The following PTPRM variants were observed in gnomAD, a reference collection of about 807,000 sequenced individuals.
PTPRM encodes the protein protein tyrosine phosphatase receptor type M.
PTPRM carries 47 observed loss-of-function variants against 186.7 expected under a neutral mutation model. That is an observed-to-expected ratio of 0.25 (90% CI 0.20 to 0.32). PTPRM has a LOEUF of 0.32. Among genes scored for constraint, PTPRM ranks in the 10% least tolerant of loss-of-function variants. The pLI, the probability that PTPRM is intolerant of heterozygous loss-of-function variation, is 1.00. For synonymous variants in PTPRM, 668 were observed against 674.9 expected (o/e 0.99, Z 0.16); for missense variants, 1,494 against 1,865.0 (o/e 0.80, Z 3.66).
intron 14 of PTPRM, among the ~76,000 whole-genome samples, chr18:8,221,819 A>G (rs1230572449): frequency 2.0e-5 from 3 of 152,232 alleles, no homozygotes; most frequent in African/African-American, 4.8e-5. Context: ...AGTGAACTGT[A>G]ACCTAAACAG....
intron 20 of PTPRM, among the ~76,000 whole-genome samples, chr18:8,308,607 C>G (rs1237274348): frequency 1.3e-5 from 2 of 151,994 alleles, no homozygotes; most frequent in Non-Finnish European, 2.9e-5. Context: ...GCTAAATATT[C>G]CAAATTTGAT....
chr18:7,783,766 G>A (rs1461376774), intron 2 of PTPRM, among the ~76,000 whole-genome samples: 2 of 148,290 alleles, frequency 1.3e-5, no homozygotes, highest in East Asian at 2.0e-4. Context: ...GTGTGTGTGT[G>A]TGTGTGTATG....
intron 4 of PTPRM, among the ~76,000 whole-genome samples, chr18:7,916,617 T>TA (rs529823904): frequency 2.5e-3 from 375 of 152,054 alleles, no homozygotes; most frequent in African/African-American, 8.6e-3. Flanking sequence ...TTTTCTTTTT[T>TA]AAAAAAAATG....
Position 7,908,104 on chromosome 18 carries a change from G to T in PTPRM, c.547+1521G>T, listed in dbSNP as rs1031091668. On this transcript the variant is annotated intron_variant, in intron 4 of 32. Coordinates refer to ENST00000580170, the MANE Select transcript of PTPRM (RefSeq NM_001105244.2). The stretch of plus-strand genomic sequence containing the variant: ...GGAGTGTGTTCTTAGAGGCTGAATT[G>T]CTGGGATGTAGTGCAGAGACGTTCT... 2.0e-5 allele frequency among the ~76,000 whole-genome samples: 3 copies of T among 152,260 alleles called. No homozygotes were observed. The South Asian group carries it at 6.2e-4, about 32-fold the overall frequency.
intron 1 of PTPRM, among the ~76,000 whole-genome samples, chr18:7,646,573 G>C (rs1349148271): frequency 6.6e-6 from 1 of 152,110 alleles, no homozygotes; most frequent in Admixed American, 6.6e-5. Context: ...CAGGAAGCTG[G>C]GAACCTCAGT....
At chr18:8,019,109 G>C (rs1394927200) in intron 7 of PTPRM, among the ~76,000 whole-genome samples, 9 of 152,198 alleles carry the variant, frequency 5.9e-5, no homozygotes, top group Non-Finnish European at 1.2e-4. Flanking sequence ...TAGATAGATA[G>C]TGTCATCAGT....
chr18:8,025,179 T>C (rs2085492456), intron 7 of PTPRM, among the ~76,000 whole-genome samples: 1 of 152,148 alleles, frequency 6.6e-6, no homozygotes, highest in Non-Finnish European at 1.5e-5. Flanking sequence ...TTCAGAGAAA[T>C]ACCACGTTTG....
intron 1 of PTPRM, among the ~76,000 whole-genome samples, chr18:7,674,130 C>G (rs1256713677): frequency 2.0e-5 from 3 of 152,082 alleles, no homozygotes; most frequent in Non-Finnish European, 4.4e-5. Flanking sequence ...GAAGGGGGTT[C>G]TTAACCTTGC....
chr18:8,241,988 G>A (rs11081370), intron 14 of PTPRM, among the ~76,000 whole-genome samples: 44,377 of 151,938 alleles, frequency 0.29, 7,916 homozygotes, highest in African/African-American at 0.51. Flanking sequence ...GTTTATGCAC[G>A]TGGAGGATTA....
At chr18:7,973,476 C>G (rs731283) in intron 7 of PTPRM, among the ~76,000 whole-genome samples, 101,740 of 152,028 alleles carry the variant, frequency 0.67, 34,291 homozygotes, top group African/African-American at 0.74. Context: ...CGCATTTCCT[C>G]TTTTCCATGC....
intron 7 of PTPRM, among the ~76,000 whole-genome samples, chr18:8,028,949 A>C (rs11081356): frequency 0.6 from 91,891 of 152,068 alleles, 27,953 homozygotes; most frequent in Non-Finnish European, 0.65. Context: ...TTACTTGTAG[A>C]GCATTCTAAT....
chr18:7,918,081 TGTGTGTGTGTG>T, intron 4 of PTPRM, among the ~76,000 whole-genome samples: 1 of 83,050 alleles, frequency 1.2e-5, no homozygotes, highest in Non-Finnish European at 2.3e-5. Flanking sequence ...TGTGTGTTTG[TGTGTGTGTGTG>T]TGTGTGTGTG....
At position 7,629,473 on chromosome 18, in the gene PTPRM, C is replaced by A. The variant is rs954853890; in HGVS notation, c.73+61582C>A. On this transcript the variant is annotated intron_variant, in intron 1 of 32. Transcript: ENST00000580170. ...GGGCCTGAACATCTGAATTTTTAAT[C>A]AACACAATAGGGGACCTGTTGCTGG... Among the ~76,000 whole-genome samples, 5 of 152,088 alleles carry A rather than the reference C, an allele frequency of 3.3e-5. No individual in the cohort carries two copies. In the South Asian group the frequency reaches 1.0e-3, roughly 32 times the overall value.
chr18:8,352,633 T>C lies in PTPRM; in HGVS notation c.3054+9113T>C, dbSNP rs1455680873. 6.9e-3 allele frequency among the ~76,000 whole-genome samples: 51 copies of C among 7,376 alleles called. No homozygotes were observed. In the Non-Finnish European group the frequency reaches 0.13, roughly 18 times the overall value. 4.8% of individuals were successfully genotyped at this position (7,376 alleles called of 152,430 possible). A position where few individuals can be genotyped will look rare whatever the true frequency, so the allele number is the denominator to read the frequency against. On this transcript the variant is annotated intron_variant, in intron 23 of 32. Coordinates refer to ENST00000580170, the MANE Select transcript of PTPRM (RefSeq NM_001105244.2). ...ACATGATTTCATTCTTTTTCTTTTC[T>C]TTTTTTTTTTTTTGGTTTGGTTTTT... is the stretch of plus-strand genomic sequence containing the variant.
chr18:7,925,128 A>G (rs763751532), intron 4 of PTPRM, among the ~76,000 whole-genome samples: 2 of 152,224 alleles, frequency 1.3e-5, no homozygotes, highest in Non-Finnish European at 1.5e-5. Flanking sequence ...TTTTTCAGGA[A>G]CAAAGACTAA....
chr18:7,740,538 C>T (rs978763873), intron 1 of PTPRM, among the ~76,000 whole-genome samples: 2 of 152,150 alleles, frequency 1.3e-5, no homozygotes, highest in African/African-American at 4.8e-5. Context: ...CCTGCTTCAG[C>T]CTCTCCAGTA....
At chr18:7,602,827 A>G (rs887636097) in intron 1 of PTPRM, among the ~76,000 whole-genome samples, 4 of 149,166 alleles carry the variant, frequency 2.7e-5, no homozygotes, top group South Asian at 4.2e-4. Flanking sequence ...TATAATATAT[A>G]TATTTCAATA....
intron 7 of PTPRM, among the ~76,000 whole-genome samples, chr18:7,964,551 G>C (rs1483763624): frequency 6.6e-6 from 1 of 152,166 alleles, no homozygotes; most frequent in African/African-American, 2.4e-5. Flanking sequence ...TGTTAGCAGA[G>C]TACTTTGGTC....
intron 5 of PTPRM, among the ~76,000 whole-genome samples, chr18:7,948,325 C>G (rs527350984): frequency 5.5e-4 from 84 of 152,010 alleles, no homozygotes; most frequent in Non-Finnish European, 1.1e-3. Context: ...AGCACAAGAG[C>G]AAGAGCACAT....
Sources: gnomAD v4.1 joint callset for allele counts (sites outside exome capture counted in the v4.1 genomes callset) on GRCh38, gnomAD v4.1.1 for gene constraint, MANE v1.5 for transcripts, NCBI Gene and HGNC (gene_info 2026-07-23, HGNC 2026-07-21) for gene names.